Variants in NMNAT2 observed in about 807,000 individuals in gnomAD.
NMNAT2 encodes nicotinamide nucleotide adenylyltransferase 2, also known as nicotinamide/nicotinic acid mononucleotide adenylyltransferase 2.
NMNAT2 carries 11 observed loss-of-function variants against 41.6 expected under a neutral mutation model. The observed-to-expected ratio is 0.26, with a 90% CI of 0.17 to 0.44. The LOEUF is 0.44. Among genes scored for constraint, NMNAT2 ranks in the 20% least tolerant of loss-of-function variants. NMNAT2 has a pLI of 1.00. For synonymous variants in NMNAT2, 148 were observed against 151.2 expected, an observed-to-expected ratio of 0.98 and a Z score of 0.16; for missense variants, 288 against 407.7, an observed-to-expected ratio of 0.71 and a Z score of 2.53.
At chr1:183,295,111 C>T (rs892916985) in intron 1 of NMNAT2, among the ~76,000 whole-genome samples, 4 of 152,212 alleles carry the variant, frequency 2.6e-5, no homozygotes, top group Non-Finnish European at 5.9e-5. Flanking sequence ...TCAAGCAATT[C>T]TCATGCCTCA....
chr1:183,389,764 GAAAGAAAGAAAGAAAGAAA>G, intron 1 of NMNAT2, among the ~76,000 whole-genome samples: 1 of 26,462 alleles, frequency 3.8e-5, no homozygotes, highest in East Asian at 1.5e-3. Context: ...AAGAAAGAAA[GAAAGAAAGAAAGAAAGAAA>G]GAAAGAAAGA....
chr1:183,413,829 G>A lies in NMNAT2; in HGVS notation c.85+4354C>T, dbSNP rs187778239. Reference sequence around the variant, plus strand: ...TCACCGTGTTCGCCAGGATGGTCTCGATCTCCTGACCTCGTGATCCGCCCG... The same window carrying A: ...TCACCGTGTTCGCCAGGATGGTCTCAATCTCCTGACCTCGTGATCCGCCCG... On this transcript the variant is annotated intron_variant, in intron 1 of 10. Coordinates refer to ENST00000287713, the MANE Select transcript of NMNAT2 (RefSeq NM_015039.4). Among the ~76,000 whole-genome samples, 530 of 152,050 alleles carry A rather than the reference G, an allele frequency of 3.5e-3. 2 individuals carry two copies. The highest frequency in any genetic ancestry group is 6.0e-3 in the Non-Finnish European group (411 of 67,974).
At chr1:183,402,452 T>A (rs530961888) in intron 1 of NMNAT2, among the ~76,000 whole-genome samples, 91 of 152,294 alleles carry the variant, frequency 6.0e-4, no homozygotes, top group Non-Finnish European at 1.1e-3. Context: ...CCCTAAAATT[T>A]GTCTGTATAA....
rs1461089996 is a variant in NMNAT2 at position 183,345,720 on chromosome 1, A to T, written c.86-51927T>A. Among the ~76,000 whole-genome samples, 9 of 147,080 alleles carry T rather than the reference A, an allele frequency of 6.1e-5. No homozygotes were observed. In the East Asian group the frequency reaches 1.6e-3, roughly 26 times the overall value. On this transcript the variant is annotated intron_variant, in intron 1 of 10. Coordinates refer to ENST00000287713, the MANE Select transcript of NMNAT2 (RefSeq NM_015039.4). ...TTTTTTTTTTGAGACGGAGTCTCACACTGTTGCCCAGGCTGGAGCGCAGTG... is the reference window on the plus strand; with the variant it reads ...TTTTTTTTTTGAGACGGAGTCTCACTCTGTTGCCCAGGCTGGAGCGCAGTG...
chr1:183,328,706 C>A (rs1662518423), intron 1 of NMNAT2, among the ~76,000 whole-genome samples: 1 of 152,232 alleles, frequency 6.6e-6, no homozygotes, highest in Non-Finnish European at 1.5e-5. Flanking sequence ...CAAACCTTTG[C>A]CTCCTGTGAG....
intron 1 of NMNAT2, among the ~76,000 whole-genome samples, chr1:183,389,142 C>T (rs914871139): frequency 1.1e-4 from 17 of 152,182 alleles, no homozygotes; most frequent in Non-Finnish European, 1.2e-4. Flanking sequence ...TGCCAGCTGG[C>T]CATCCCTTCA....
intron 1 of NMNAT2, among the ~76,000 whole-genome samples, chr1:183,410,793 G>A (rs1004990590): frequency 6.7e-6 from 1 of 148,608 alleles, no homozygotes; most frequent in African/African-American, 2.5e-5. Context: ...TTGTTGCCCA[G>A]TCTGGTCTTG....
At chr1:183,329,983 T>C (rs1346541504) in intron 1 of NMNAT2, among the ~76,000 whole-genome samples, 1 of 152,168 alleles carries the variant, frequency 6.6e-6, no homozygotes, top group Non-Finnish European at 1.5e-5. Flanking sequence ...ACAACTCCTC[T>C]TCCCCGCAAA....
chr1:183,274,300 AT>A (rs1661068686), intron 8 of NMNAT2, among the ~76,000 whole-genome samples: 1 of 151,632 alleles, frequency 6.6e-6, no homozygotes, highest in South Asian at 2.1e-4. Flanking sequence ...CAATAACTTT[AT>A]TTATTTATTT....
intron 1 of NMNAT2, among the ~76,000 whole-genome samples, chr1:183,374,117 C>T (rs1425367570): frequency 6.6e-6 from 1 of 152,198 alleles, no homozygotes; most frequent in Non-Finnish European, 1.5e-5. Flanking sequence ...ATGTAAGTAA[C>T]TGCTCCAAGG....
intron 1 of NMNAT2, among the ~76,000 whole-genome samples, chr1:183,306,409 T>A (rs1268950437): frequency 6.6e-6 from 1 of 152,192 alleles, no homozygotes; most frequent in African/African-American, 2.4e-5. Flanking sequence ...TAAATTTGTA[T>A]TGTTTTAAGC....
intron 1 of NMNAT2, among the ~76,000 whole-genome samples, chr1:183,340,130 C>A (rs1204697539): frequency 6.6e-6 from 1 of 152,182 alleles, no homozygotes; most frequent in Non-Finnish European, 1.5e-5. Flanking sequence ...GACTTTCTGG[C>A]TCTCCCCTTC....
chr1:183,256,035 A>G (rs760834357), intron 10 of NMNAT2, among the ~76,000 whole-genome samples: 1 of 151,790 alleles, frequency 6.6e-6, no homozygotes, highest in Non-Finnish European at 1.5e-5. Context: ...TTCTTGCTTT[A>G]TATCAGGTCT....
chr1:183,293,826 G>C (rs375710019), intron 1 of NMNAT2, 33 bp from the exon 2 acceptor site: 1 of 1,472,712 alleles, frequency 6.8e-7, no homozygotes, highest in Non-Finnish European at 9.5e-7. Flanking sequence ...ACATTATAAA[G>C]AGGAAAGGCA....
At chr1:183,397,981 G>A (rs1430888260) in intron 1 of NMNAT2, among the ~76,000 whole-genome samples, 2 of 152,188 alleles carry the variant, frequency 1.3e-5, no homozygotes, top group Non-Finnish European at 2.9e-5. Flanking sequence ...GACCATAGAT[G>A]CTAGGAAGAA....
chr1:183,263,874 T>G (rs1397616311), intron 8 of NMNAT2, among the ~76,000 whole-genome samples: 1 of 152,142 alleles, frequency 6.6e-6, no homozygotes, highest in African/African-American at 2.4e-5. Flanking sequence ...GGCAGCAGTA[T>G]TTCTTTAAAT....
intron 1 of NMNAT2, among the ~76,000 whole-genome samples, chr1:183,334,238 T>C (rs1481339145): frequency 6.6e-6 from 1 of 152,082 alleles, no homozygotes; most frequent in Non-Finnish European, 1.5e-5. Context: ...GACTAACTGC[T>C]GTATTTTTAG....
intron 1 of NMNAT2, among the ~76,000 whole-genome samples, chr1:183,348,194 C>T (rs1386193425): frequency 6.6e-6 from 1 of 152,168 alleles, no homozygotes; most frequent in South Asian, 2.1e-4. Flanking sequence ...AACAGTCAAC[C>T]CAGCAAAGGC....
intron 1 of NMNAT2, among the ~76,000 whole-genome samples, chr1:183,389,205 C>T (rs1057492239): frequency 6.6e-6 from 1 of 152,192 alleles, no homozygotes; most frequent in Non-Finnish European, 1.5e-5. Context: ...TAACATTCTT[C>T]CTGAATCTCT....
Sources: allele counts gnomAD v4.1 joint callset (sites outside exome capture counted in the v4.1 genomes callset), GRCh38; gene constraint gnomAD v4.1.1; transcripts MANE v1.5; gene names NCBI Gene and HGNC (gene_info 2026-07-23, HGNC 2026-07-21).